MICOS10: variants seen among roughly 807,000 people sequenced by gnomAD.
The protein encoded by MICOS10 is mitochondrial contact site and cristae organizing system subunit 10, also known as MICOS complex subunit MIC10.
Under a neutral mutation model 13.4 loss-of-function variants are expected in MICOS10, and 5 were observed. That is an observed-to-expected ratio of 0.37 (90% CI 0.20 to 0.78). The LOEUF is 0.78. Among genes scored for constraint, MICOS10 ranks in the 30% least tolerant of loss-of-function variants. The probability of loss-of-function intolerance (pLI) is 0.47; values close to 1 mark genes in which losing one functional copy is unlikely to be tolerated. For missense variants in MICOS10, 101 were observed against 94.6 expected (o/e 1.07, Z -0.28); for synonymous variants, 35 against 33.6 (o/e 1.04, Z -0.15).
intron 1 of MICOS10, among the ~76,000 whole-genome samples, chr1:19,621,553 G>A (rs1349438275): frequency 6.6e-6 from 1 of 152,056 alleles, no homozygotes; most frequent in African/African-American, 2.4e-5. Context: ...AATATCCTTG[G>A]GCAAGTCATT....
chr1:19,626,715 T>C lies in MICOS10; in HGVS notation c.*314T>C. The C allele has an allele frequency of 3.0e-6, 1 of 327,966 alleles. No individual in the cohort carries two copies. Among genetic ancestry groups the C allele is most frequent in the Non-Finnish European group, 5.9e-6 (1 of 170,656 alleles). The allele number at this position is 327,966 out of a possible 1,614,324, so 20.3% of individuals were successfully genotyped here. A position where few individuals can be genotyped will look rare whatever the true frequency, so the allele number is the denominator to read the frequency against. On this transcript the variant is annotated 3_prime_UTR_variant, in exon 4 of 4. Transcript: ENST00000322753. The stretch of plus-strand genomic sequence containing the variant: ...TGAACTGCCAGCAGCTGTAGCCACC[T>C]GCTCACAGCCTCTCTGAGAACCCCC...
chr1:19,597,163 G>C (rs553766391), intron 1 of MICOS10, 54 bp downstream of exon 1: 1 of 1,549,294 alleles, frequency 6.5e-7, no homozygotes, highest in Admixed American at 1.8e-5. Flanking sequence ...GCTGGCTCCA[G>C]GCTGCGCTGC....
chr1:19,617,586 C>A (rs2094888931), intron 1 of MICOS10, among the ~76,000 whole-genome samples: 1 of 152,120 alleles, frequency 6.6e-6, no homozygotes, highest in Non-Finnish European at 1.5e-5. Context: ...ATTAATGGGG[C>A]CCTGAGCATC....
In MICOS10 at chr1:19,629,434, C is replaced by T. The variant is rs1014826247; in HGVS notation, c.*3033C>T. 3 of 152,224 alleles carry T rather than the reference C, an allele frequency of 2.0e-5. No individual in the cohort carries two copies. Among genetic ancestry groups the T allele is most frequent in the Admixed American group, 1.3e-4 (2 of 15,288 alleles). 9.4% of individuals were successfully genotyped at this position (152,224 alleles called of 1,614,324 possible). A position where few individuals can be genotyped will look rare whatever the true frequency, so the allele number is the denominator to read the frequency against. The stretch of plus-strand genomic sequence containing the variant: ...CCCAGAACAATATGTATTTTGAGCT[C>T]ATTTAGGTGAATGACTTTGGCATTC... On this transcript the variant is annotated 3_prime_UTR_variant, in exon 4 of 4. Coordinates refer to ENST00000322753, the MANE Select transcript of MICOS10 (RefSeq NM_001032363.4).
At chr1:19,605,416 C>T (rs1050083471) in intron 1 of MICOS10, among the ~76,000 whole-genome samples, 2 of 152,114 alleles carry the variant, frequency 1.3e-5, no homozygotes, top group African/African-American at 4.8e-5. Flanking sequence ...TTCCCAAACT[C>T]TCACCCCAAC....
At chr1:19,610,479 A>G (rs1355266187) in intron 1 of MICOS10, among the ~76,000 whole-genome samples, 1 of 145,496 alleles carries the variant, frequency 6.9e-6, no homozygotes, top group Non-Finnish European at 1.5e-5. Context: ...CCTGGGCTCA[A>G]GCGATCTTGC....
At chr1:19,609,817 G>T (rs2094851906) in intron 1 of MICOS10, among the ~76,000 whole-genome samples, 1 of 152,132 alleles carries the variant, frequency 6.6e-6, no homozygotes, top group Non-Finnish European at 1.5e-5. Context: ...TTGAAGGAAA[G>T]GGGGGAAAAA....
At chr1:19,602,611 C>T (rs899458359) in intron 1 of MICOS10, among the ~76,000 whole-genome samples, 7 of 152,028 alleles carry the variant, frequency 4.6e-5, no homozygotes, top group Non-Finnish European at 8.8e-5. Flanking sequence ...TGGCATGTTC[C>T]GTTAGTTTTA....
chr1:19,600,698 C>T, intron 1 of MICOS10: 1 of 362,714 alleles, frequency 2.8e-6, no homozygotes, highest in Admixed American at 3.5e-5. Context: ...ACCTCCAGAG[C>T]TCAGGTGATC....
intron 3 of MICOS10, chr1:19,625,413 G>A (rs1358401159): frequency 1.6e-6 from 2 of 1,289,216 alleles, no homozygotes; most frequent in Non-Finnish European, 2.0e-6. Context: ...ACCGTCAGCT[G>A]CCTGCAGCCA....
At chr1:19,617,204 C>T (rs1422293351) in intron 1 of MICOS10, 1 of 883,136 alleles carries the variant, frequency 1.1e-6, no homozygotes, top group East Asian at 1.2e-4. Flanking sequence ...CCACATTTAC[C>T]TTTCATACCT....
At chr1:19,604,606 G>C in intron 1 of MICOS10, among the ~76,000 whole-genome samples, 1 of 152,158 alleles carries the variant, frequency 6.6e-6, no homozygotes, top group East Asian at 1.9e-4. Context: ...ATTGTGGGTC[G>C]TAGGTGGGTC....
Position 19,623,816 on chromosome 1 carries a change from G to A in MICOS10, c.222+233G>A, listed in dbSNP as rs565052064. The stretch of plus-strand genomic sequence containing the variant: ...TCAGATATATACTCATGTGCTAGCC[G>A]ATTGGAATTAAGGAGCCTGCTTGAA... On this transcript the variant is annotated intron_variant, in intron 3 of 3. Coordinates refer to ENST00000322753, the MANE Select transcript of MICOS10 (RefSeq NM_001032363.4). The A allele has an allele frequency of 1.9e-5, 7 of 369,328 alleles. No homozygotes were observed. The South Asian group carries it at 3.8e-4, about 20-fold the overall frequency. 22.9% of individuals were successfully genotyped at this position (369,328 alleles called of 1,614,324 possible). A position where few individuals can be genotyped will look rare whatever the true frequency, so the allele number is the denominator to read the frequency against.
chr1:19,597,142 G>T (rs781720603), intron 1 of MICOS10, 33 bp downstream of exon 1: 2 of 1,586,848 alleles, frequency 1.3e-6, no homozygotes, highest in Non-Finnish European at 1.7e-6. Context: ...AGGCCCGGCC[G>T]GTGCAGAGCT....
At chr1:19,597,165 C>T (rs1352627729) in intron 1 of MICOS10, 56 bp downstream of exon 1, 1 of 1,545,838 alleles carries the variant, frequency 6.5e-7, no homozygotes. Context: ...TGGCTCCAGG[C>T]TGCGCTGCCC....
intron 1 of MICOS10, among the ~76,000 whole-genome samples, chr1:19,615,683 C>A (rs538359409): frequency 1.9e-4 from 28 of 151,140 alleles, no homozygotes; most frequent in African/African-American, 6.8e-4. Context: ...AGCGATCCTC[C>A]CACCTCAGCC....
At position 19,626,637 on chromosome 1, in the gene MICOS10, G is replaced by C. The variant is rs2094923054; in HGVS notation, c.*236G>C. On this transcript the variant is annotated 3_prime_UTR_variant, in exon 4 of 4. Transcript: ENST00000322753. Reference sequence around the variant, plus strand: ...ATTAAACAAAAAGAGGAAGTCCATTGCATGGCCTTTGTTTCTTCACCTTTG... The same window carrying C: ...ATTAAACAAAAAGAGGAAGTCCATTCCATGGCCTTTGTTTCTTCACCTTTG... 1 of 519,212 alleles carries C rather than the reference G, an allele frequency of 1.9e-6. No homozygotes were observed. The highest frequency in any genetic ancestry group is 2.2e-5 in the South Asian group (1 of 45,646). 32.2% of individuals were successfully genotyped at this position (519,212 alleles called of 1,614,324 possible). A position where few individuals can be genotyped will look rare whatever the true frequency, so the allele number is the denominator to read the frequency against.
intron 1 of MICOS10, among the ~76,000 whole-genome samples, chr1:19,604,468 C>A (rs2094827448): frequency 6.6e-6 from 1 of 152,052 alleles, no homozygotes; most frequent in South Asian, 2.1e-4. Context: ...AAGATGCAGC[C>A]ACTGCACTCC....
chr1:19,626,313 C>T lies in MICOS10; in HGVS notation c.223-74C>T, dbSNP rs1046278168. On this transcript the variant is annotated intron_variant, in intron 3 of 3. Coordinates refer to ENST00000322753, the MANE Select transcript of MICOS10 (RefSeq NM_001032363.4). ...TTGGCTTCTGGCCCTTTGGGTCTGACCTGATACAGCAATTAGAGAGGGTTG... is the reference window on the plus strand; with the variant it reads ...TTGGCTTCTGGCCCTTTGGGTCTGATCTGATACAGCAATTAGAGAGGGTTG... 11 of 1,596,948 alleles carry T rather than the reference C, an allele frequency of 6.9e-6. 1 individual carries two copies. The highest frequency in any genetic ancestry group is 3.3e-4 in the Middle Eastern group (2 of 6,046).
Sources: allele counts gnomAD v4.1 joint callset (sites outside exome capture counted in the v4.1 genomes callset), GRCh38; gene constraint gnomAD v4.1.1; transcripts MANE v1.5; gene names NCBI Gene and HGNC (gene_info 2026-07-23, HGNC 2026-07-21).